The following SPAG9 variants were observed in gnomAD, a reference collection of about 807,000 sequenced individuals.
SPAG9 encodes sperm associated antigen 9, also known as C-Jun-amino-terminal kinase-interacting protein 4.
A neutral mutation model predicts 166.5 loss-of-function variants in SPAG9; 35 were observed. The ratio of observed to expected loss-of-function variants is 0.21; its 90% confidence interval spans 0.16 to 0.28. SPAG9 has a LOEUF of 0.28. Among genes scored for constraint, SPAG9 ranks in the 10% least tolerant of loss-of-function variants. The pLI is 1.00. For synonymous variants in SPAG9, 534 were observed against 565.5 expected, an observed-to-expected ratio of 0.94 and a Z score of 0.79; for missense variants, 1,235 against 1,603.3, an observed-to-expected ratio of 0.77 and a Z score of 3.92.
Position 50,963,947 on chromosome 17 carries a change from C to T in SPAG9, c.*2325G>A, listed in dbSNP as rs1973228671. 1 of 152,188 alleles carries T rather than the reference C, an allele frequency of 6.6e-6. No homozygotes were observed. The highest frequency in any genetic ancestry group is 2.1e-4 in the South Asian group (1 of 4,832). 9.4% of individuals were successfully genotyped at this position (152,188 alleles called of 1,614,324 possible). On this transcript the variant is annotated 3_prime_UTR_variant, in exon 30 of 30. Transcript: ENST00000262013. ...CAAGCAAAAAATTATTCTTTTAATA[C>T]AGCTTTTACCAAAACAGTTTTAATA... is the stretch of plus-strand genomic sequence containing the variant.
rs71149344 is a variant in SPAG9 at position 51,106,102 on chromosome 17, TACACACACACACACACAC to T, written c.303+14234_303+14251del. Among the ~76,000 whole-genome samples the T allele has an allele frequency of 2.8e-3, 311 of 110,648 alleles. 3 individuals are homozygous for T. Among genetic ancestry groups the T allele is most frequent in the African/African-American group, 9.0e-3 (255 of 28,248 alleles). The allele number at this position is 110,648 out of a possible 152,430, so 72.6% of individuals were successfully genotyped here. On this transcript the variant is annotated intron_variant, in intron 1 of 29. Coordinates refer to ENST00000262013, the MANE Select transcript of SPAG9 (RefSeq NM_001130528.3). The stretch of plus-strand genomic sequence containing the variant: ...GGCAACACAGCAAGACCCCCATCTC[TACACACACACACACACAC>T]ACACACACACACACACACACACACA...
chr17:50,996,430 T>G (rs529999244), intron 16 of SPAG9, 135 bp downstream of exon 16: 5 of 953,450 alleles, frequency 5.2e-6, no homozygotes, highest in African/African-American at 3.3e-5. Flanking sequence ...CCACCCTCCA[T>G]GCTTAAATGT....
intron 6 of SPAG9, among the ~76,000 whole-genome samples, chr17:51,025,908 TA>T (rs1208969319): frequency 6.6e-6 from 1 of 152,010 alleles, no homozygotes; most frequent in African/African-American, 2.4e-5. Context: ...TAACACACAT[TA>T]AAAAATATAA....
intron 1 of SPAG9, among the ~76,000 whole-genome samples, chr17:51,110,931 G>A (rs776739507): frequency 5.3e-5 from 8 of 151,870 alleles, no homozygotes; most frequent in Non-Finnish European, 1.2e-4. Context: ...CCTGGCTAAC[G>A]CAGTGAAACC....
chr17:50,989,702 C>A lies in SPAG9; in HGVS notation c.2788G>T (p.Asp930Tyr). The A allele has an allele frequency of 6.2e-7, 1 of 1,614,116 alleles. No homozygotes were observed. Among genetic ancestry groups the A allele is most frequent in the South Asian group, 1.1e-5 (1 of 91,078 alleles). Residue 930 changes from aspartate (D) to tyrosine (Y), a missense_variant, in exon 21 of 30, where the codon GAC (aspartate) becomes TAC (tyrosine). Physicochemically the swap from Asp to Tyr is radical, Grantham distance 160. This residue lies in a region of SPAG9 where 493 missense variants were observed against 559.4 expected (regional missense o/e 0.88). Transcript: ENST00000262013. ...CTCGACTGATACACTGGGGAGAGGT[C>A]TTCTGGGATCTGAACTCCCAAAGGA... ...TDPLGVQIPE[D>Y]LSPVYQSSND...
intron 22 of SPAG9, among the ~76,000 whole-genome samples, 185 bp from the exon 23 acceptor site, chr17:50,985,963 AG>A (rs1227270383): frequency 6.6e-6 from 1 of 152,240 alleles, no homozygotes; most frequent in African/African-American, 2.4e-5. Flanking sequence ...CCTAAGGTAA[AG>A]AAATAGGCTG....
chr17:51,040,350 G>C (rs924919208), intron 5 of SPAG9: 3 of 152,056 alleles, frequency 2.0e-5, no homozygotes, highest in African/African-American at 4.8e-5. Flanking sequence ...CAAGAAGGGA[G>C]AAAAGGTAAG....
At chr17:51,000,754 TGA>T (rs1491546633) in intron 13 of SPAG9, among the ~76,000 whole-genome samples, 1 of 25,496 alleles carries the variant, frequency 3.9e-5, no homozygotes. Context: ...AATAAATGAA[TGA>T]ATAAATAAAT....
At chr17:51,015,042 A>C (rs2045640393) in intron 8 of SPAG9, among the ~76,000 whole-genome samples, 1 of 152,164 alleles carries the variant, frequency 6.6e-6, no homozygotes, top group Non-Finnish European at 1.5e-5. Flanking sequence ...AATAACTCAG[A>C]AGCTCAACTA....
intron 2 of SPAG9, among the ~76,000 whole-genome samples, chr17:51,062,118 C>CT (rs1171815435): frequency 6.6e-6 from 1 of 152,072 alleles, no homozygotes; most frequent in Non-Finnish European, 1.5e-5. Context: ...TTTTAATAGA[C>CT]TTTATTTTTA....
chr17:51,092,511 T>C (rs1267977166), intron 1 of SPAG9, among the ~76,000 whole-genome samples: 1 of 151,626 alleles, frequency 6.6e-6, no homozygotes, highest in Non-Finnish European at 1.5e-5. Flanking sequence ...AAAGAGTAAT[T>C]GTTTATAAGT....
chr17:51,046,463 C>A, intron 4 of SPAG9: 9 of 1,446,298 alleles, frequency 6.2e-6, no homozygotes, highest in African/African-American at 1.4e-5. Context: ...TTAATAAAAA[C>A]CAGCTAAGCA....
At chr17:51,058,731 C>T (rs1488297047) in intron 2 of SPAG9, among the ~76,000 whole-genome samples, 8 of 152,130 alleles carry the variant, frequency 5.3e-5, no homozygotes, top group African/African-American at 1.7e-4. Flanking sequence ...AATGCAACAC[C>T]ACCATGCTTC....
rs112596080 is a variant in SPAG9 at position 50,984,320 on chromosome 17, A to G, written c.3088+603T>C. On this transcript the variant is annotated intron_variant, in intron 24 of 29. Transcript: ENST00000262013. ...ACAAATTATTTTTAACACATAGGAC[A>G]TTAAAAAAACACCAAGTTTCTCCGA... 2.6e-3 allele frequency among the ~76,000 whole-genome samples: 395 copies of G among 152,348 alleles called. 1 individual carries two copies. The highest frequency in any genetic ancestry group is 9.0e-3 in the African/African-American group (376 of 41,582).
At chr17:51,097,488 TG>T (rs2048678492) in intron 1 of SPAG9, among the ~76,000 whole-genome samples, 1 of 152,116 alleles carries the variant, frequency 6.6e-6, no homozygotes, top group Admixed American at 6.6e-5. Context: ...AAGATCAGCC[TG>T]GGCAACACAG....
rs571982320 is a variant in SPAG9 at position 51,037,144 on chromosome 17, C to T, written c.741+4357G>A. ...TTTCTTGAGACAAGGACTTTGTCAC[C>T]CAGGCTGCAGTGCAGTGGCATGATC... On this transcript the variant is annotated intron_variant, in intron 5 of 29. Coordinates refer to ENST00000262013, the MANE Select transcript of SPAG9 (RefSeq NM_001130528.3). Among the ~76,000 whole-genome samples, 248 of 152,042 alleles carry T rather than the reference C, an allele frequency of 1.6e-3. 8 individuals are homozygous for T. The South Asian group carries it at 0.048, about 29-fold the overall frequency.
At chr17:50,989,471 A>T in intron 21 of SPAG9, 3 of 606,344 alleles carry the variant, frequency 4.9e-6, no homozygotes, top group South Asian at 2.0e-5. Flanking sequence ...TTTTTTTTAA[A>T]TTGGAAGGTG....
intron 27 of SPAG9, chr17:50,976,748 TA>T: frequency 6.1e-6 from 1 of 165,162 alleles, no homozygotes; most frequent in Non-Finnish European, 1.3e-5. Flanking sequence ...TGGAATATAC[TA>T]AACTATCTGC....
intron 16 of SPAG9, chr17:50,996,353 T>TC (rs1390132565): frequency 5.5e-5 from 30 of 550,162 alleles, no homozygotes; most frequent in Admixed American, 1.3e-4. Context: ...TATTGACTCC[T>TC]CCCCCCCTCA....
Sources: allele counts gnomAD v4.1 joint callset (sites outside exome capture counted in the v4.1 genomes callset), GRCh38; gene constraint gnomAD v4.1.1; regional missense constraint gnomAD v4.1.1; transcripts MANE v1.5; gene names NCBI Gene and HGNC (gene_info 2026-07-23, HGNC 2026-07-21).